Variants in STK32C observed in about 807,000 individuals in gnomAD.
STK32C encodes the protein serine/threonine-protein kinase 32C.
Under a neutral mutation model 56.5 loss-of-function variants are expected in STK32C, and 31 were observed. The observed-to-expected ratio is 0.55, with a 90% CI of 0.41 to 0.74. The LOEUF is 0.74. Among genes scored for constraint, STK32C ranks in the 30% least tolerant of loss-of-function variants. The pLI is 0.00. For missense variants in STK32C, 544 were observed against 676.9 expected, an observed-to-expected ratio of 0.80 and a Z score of 2.18; for synonymous variants, 309 against 289.4, an observed-to-expected ratio of 1.07 and a Z score of -0.69.
At chr10:132,327,852 T>G (rs761770474) in intron 1 of STK32C, among the ~76,000 whole-genome samples, 1 of 151,974 alleles carries the variant, frequency 6.6e-6, no homozygotes, top group South Asian at 2.1e-4. Context: ...CAGAAACACA[T>G]AGCAGCTCAC....
chr10:132,251,899 G>A (rs112780769), intron 1 of STK32C, among the ~76,000 whole-genome samples: 6 of 106,280 alleles, frequency 5.6e-5, no homozygotes, highest in African/African-American at 2.5e-4. Flanking sequence ...CAGGCAGGTC[G>A]ATGCCCTACG....
upstream of STK32C, among the ~76,000 whole-genome samples, chr10:132,311,072 T>C (rs551769727): frequency 6.6e-6 from 1 of 152,286 alleles, no homozygotes; most frequent in East Asian, 1.9e-4. The surrounding 1 kb of genome is among the most constrained non-coding windows in gnomAD (Gnocchi z 4.4). Context: ...TGTGCATTTG[T>C]TCATAATTCG....
rs1331609870 is a variant in STK32C, at chr10:132,331,435, C to T, written c.301+1G>A. 6 of 1,609,662 alleles carry T rather than the reference C, an allele frequency of 3.7e-6. No individual in the cohort carries two copies. The highest frequency in any genetic ancestry group is 4.2e-6 in the Non-Finnish European group (5 of 1,177,646). The stretch of plus-strand genomic sequence containing the variant: ...TCAAAACCCTTCCTCAGGACACTCA[C>T]TGCGTTTCCTCGCCCCCCTCACTCC... On this transcript the variant is annotated splice_donor_variant, in intron 1 of 1. Coordinates refer to the STK32C transcript ENST00000368619. LOFTEE classifies it high-confidence loss of function.
rs749030656 is a variant in STK32C, at chr10:132,224,529, G to A, written c.877-6C>T. ...GAGTGGATGTCATAGGGCCTCTGGA[G>A]ACAGGGAGGCAGTGCTGGGCAGGTC... On this transcript the variant is annotated splice_region_variant and splice_polypyrimidine_tract_variant and intron_variant, in intron 7 of 11. Transcript: ENST00000298630. The A allele has an allele frequency of 6.3e-7, 1 of 1,589,470 alleles. No homozygotes were observed. The highest frequency in any genetic ancestry group is 1.1e-5 in the South Asian group (1 of 87,234).
intron 1 of STK32C, among the ~76,000 whole-genome samples, chr10:132,258,750 C>T (rs1395935964): frequency 3.9e-5 from 6 of 152,226 alleles, no homozygotes. Flanking sequence ...ATTCCCACTG[C>T]CCCTCCTGAG....
intron 10 of STK32C, among the ~76,000 whole-genome samples, chr10:132,220,912 G>A (rs1192834287): frequency 6.6e-6 from 1 of 152,164 alleles, no homozygotes; most frequent in Non-Finnish European, 1.5e-5. Context: ...ACTGCCCAAG[G>A]GGTTCACCTT....
chr10:132,283,417 C>T (rs2065277490), intron 1 of STK32C, among the ~76,000 whole-genome samples: 1 of 152,242 alleles, frequency 6.6e-6, no homozygotes, highest in Non-Finnish European at 1.5e-5. Flanking sequence ...CCACGCCCCC[C>T]TCACCGTGCG....
intron 6 of STK32C, 22 bp from the exon 7 acceptor site, chr10:132,225,358 A>G: frequency 6.3e-7 from 1 of 1,599,972 alleles, no homozygotes. Flanking sequence ...AAAGAAGGAA[A>G]AACAGCTGCC....
At chr10:132,315,801 G>T in intron 1 of STK32C, among the ~76,000 whole-genome samples, 1 of 152,122 alleles carries the variant, frequency 6.6e-6, no homozygotes, top group East Asian at 1.9e-4. Flanking sequence ...TATTAAATAG[G>T]ATGTCATATC....
At chr10:132,210,343 G>A (rs777067387) in intron 10 of STK32C, among the ~76,000 whole-genome samples, 4 of 152,188 alleles carry the variant, frequency 2.6e-5, no homozygotes, top group Admixed American at 1.3e-4. Flanking sequence ...TGCCAACTCC[G>A]CCTCCCAGGT....
intron 1 of STK32C, among the ~76,000 whole-genome samples, chr10:132,270,622 G>A (rs2064785516): frequency 6.6e-6 from 1 of 152,228 alleles, no homozygotes; most frequent in African/African-American, 2.4e-5. Flanking sequence ...TCCCCGGCCT[G>A]CCGGATATGA....
chr10:132,238,197 G>A (rs1391638302), intron 2 of STK32C, among the ~76,000 whole-genome samples: 1 of 152,290 alleles, frequency 6.6e-6, no homozygotes, highest in Non-Finnish European at 1.5e-5. Flanking sequence ...GGACTGTGGT[G>A]CAGCAGCTGC....
At chr10:132,258,574 C>T (rs1006935498) in intron 1 of STK32C, among the ~76,000 whole-genome samples, 7 of 152,236 alleles carry the variant, frequency 4.6e-5, no homozygotes, top group Non-Finnish European at 7.3e-5. Context: ...TGGGCCAGCG[C>T]GCAGGCCTTC....
chr10:132,307,309 C>A lies in STK32C; in HGVS notation c.262+263G>T. ...GGAGGCGCGCGCAAGCCCGGAGACG[C>A]CACAGCCGCGGGGGACCCTCGCCCC... On this transcript the variant is annotated intron_variant, in intron 1 of 11. Transcript: ENST00000298630. The surrounding 1 kb of genome is among the most constrained non-coding windows in gnomAD (Gnocchi z 4.4). The A allele has an allele frequency of 3.1e-6, 1 of 320,170 alleles. No homozygotes were observed. The highest frequency in any genetic ancestry group is 5.7e-6 in the Non-Finnish European group (1 of 176,592). The allele number at this position is 320,170 out of a possible 1,614,324, so 19.8% of individuals were successfully genotyped here.
intron 1 of STK32C, among the ~76,000 whole-genome samples, chr10:132,248,652 C>A (rs1470549020): frequency 6.6e-6 from 1 of 152,240 alleles, no homozygotes; most frequent in African/African-American, 2.4e-5. Context: ...TCCACGCCCA[C>A]GTGCATGCCT....
At chr10:132,258,306 T>C (rs964090767) in intron 1 of STK32C, among the ~76,000 whole-genome samples, 1 of 152,196 alleles carries the variant, frequency 6.6e-6, no homozygotes, top group Non-Finnish European at 1.5e-5. Context: ...TCACACACAT[T>C]AGCACTTGGT....
chr10:132,225,098 A>G, intron 7 of STK32C, 135 bp downstream of exon 7: 1 of 675,084 alleles, frequency 1.5e-6, no homozygotes, highest in Non-Finnish European at 2.5e-6. Context: ...ACTTCGATAA[A>G]AGCGTGACTC....
intron 2 of STK32C, among the ~76,000 whole-genome samples, chr10:132,230,097 G>C (rs1279275823): frequency 6.6e-6 from 1 of 152,258 alleles, no homozygotes; most frequent in Non-Finnish European, 1.5e-5. Context: ...GGCAGCTGCA[G>C]GCAGCCCGAG....
intron 1 of STK32C, among the ~76,000 whole-genome samples, chr10:132,301,253 C>T (rs997262107): frequency 2.0e-5 from 3 of 150,672 alleles, no homozygotes; most frequent in Non-Finnish European, 2.9e-5. Flanking sequence ...CCGAGCTTCC[C>T]GACACCAAGT....
Sources: allele counts gnomAD v4.1 joint callset (sites outside exome capture counted in the v4.1 genomes callset), GRCh38; gene constraint gnomAD v4.1.1; non-coding constraint Gnocchi (gnomAD v3.1); transcripts MANE v1.5; gene names NCBI Gene and HGNC (gene_info 2026-07-23, HGNC 2026-07-21).